Variants in TMEM243 observed in about 807,000 individuals in gnomAD.
TMEM243 encodes transmembrane protein 243.
Under a neutral mutation model 15.0 loss-of-function variants are expected in TMEM243, and 20 were observed. The observed-to-expected ratio is 1.33, with a 90% CI of 0.94 to 1.93. The LOEUF (loss-of-function observed/expected upper bound fraction) is 1.93, where lower values mean the gene tolerates loss of function less well. Among genes scored for constraint, TMEM243 ranks in the 30% most tolerant of loss-of-function variants. TMEM243 has a pLI of 0.00. For missense variants in TMEM243, 156 were observed against 142.1 expected, an observed-to-expected ratio of 1.10 and a Z score of -0.50; for synonymous variants, 72 against 52.7, an observed-to-expected ratio of 1.37 and a Z score of -1.59.
Position 87,196,451 on chromosome 7 carries a change from TAAAG to T in TMEM243, c.*181_*184del, listed in dbSNP as rs139450216. ...ATGTTTAGGTGCAACATCAGCTCCT[TAAAG>T]AAAAAGCAAAGTGATCTAGGATATG... On this transcript the variant is annotated 3_prime_UTR_variant, in exon 4 of 4. Coordinates refer to ENST00000257637, the MANE Select transcript of TMEM243 (RefSeq NM_024315.4). 9.9e-4 allele frequency: 544 copies of T among 550,874 alleles called. 1 individual carries two copies. The highest frequency in any genetic ancestry group is 9.9e-3 in the African/African-American group (492 of 49,940). 34.1% of individuals were successfully genotyped at this position (550,874 alleles called of 1,614,324 possible).
chr7:87,198,116 G>A (rs1801495991), intron 2 of TMEM243, 71 bp from the exon 3 acceptor site: 1 of 1,301,634 alleles, frequency 7.7e-7, no homozygotes, highest in Non-Finnish European at 1.1e-6. Flanking sequence ...CTGGAGTCTA[G>A]GCAACAGTAC....
rs564953471 is a variant in TMEM243, at chr7:87,209,529, TGAGA to T, written c.78+9893_78+9896del. On this transcript the variant is annotated intron_variant, in intron 1 of 3. Coordinates refer to ENST00000257637, the MANE Select transcript of TMEM243 (RefSeq NM_024315.4). ...GTGAGAAAGACAGTGAGAGAGAGAG[TGAGA>T]GAGAAAGTGAGAGACAATGAGAGAG... Among the ~76,000 whole-genome samples the T allele has an allele frequency of 3.2e-3, 146 of 45,528 alleles. 2 individuals are homozygous for T. The East Asian group carries it at 0.034, about 11-fold the overall frequency. The allele number at this position is 45,528 out of a possible 152,430, so 29.9% of individuals were successfully genotyped here.
intron 1 of TMEM243, among the ~76,000 whole-genome samples, chr7:87,201,112 T>C (rs924243709): frequency 2.6e-5 from 4 of 152,352 alleles, no homozygotes; most frequent in Non-Finnish European, 5.9e-5. Flanking sequence ...TGTTATAATG[T>C]AGTGGTCCCC....
At chr7:87,203,368 T>C (rs1801963402) in intron 1 of TMEM243, among the ~76,000 whole-genome samples, 1 of 152,148 alleles carries the variant, frequency 6.6e-6, no homozygotes. Context: ...ATCCCAGCAC[T>C]TTGGGAGGCC....
intron 1 of TMEM243, among the ~76,000 whole-genome samples, chr7:87,215,022 T>C (rs1057183759): frequency 2.6e-5 from 4 of 152,206 alleles, no homozygotes; most frequent in East Asian, 1.9e-4. Flanking sequence ...GCATTTCGGA[T>C]TTTGGATTTG....
At chr7:87,208,893 G>A (rs1229943180) in intron 1 of TMEM243, among the ~76,000 whole-genome samples, 1 of 152,262 alleles carries the variant, frequency 6.6e-6, no homozygotes, top group African/African-American at 2.4e-5. Context: ...CCACCGTATG[G>A]CTGGGTGATG....
chr7:87,200,452 C>G (rs200209763), intron 1 of TMEM243, among the ~76,000 whole-genome samples: 2 of 152,072 alleles, frequency 1.3e-5, no homozygotes, highest in East Asian at 3.9e-4. Context: ...CATGGGAGCC[C>G]CACTATTTTT....
intron 1 of TMEM243, among the ~76,000 whole-genome samples, chr7:87,204,683 C>T (rs1243687678): frequency 6.6e-6 from 1 of 152,206 alleles, no homozygotes; most frequent in East Asian, 1.9e-4. Context: ...GTGGCTCTGC[C>T]CCTGTGGCTT....
chr7:87,205,392 A>C (rs1164640178), intron 1 of TMEM243, among the ~76,000 whole-genome samples: 1 of 150,188 alleles, frequency 6.7e-6, no homozygotes, highest in Non-Finnish European at 1.5e-5. Flanking sequence ...TCTCCTTAGG[A>C]ATTTTTTTTG....
At chr7:87,206,630 AGT>A (rs1465107976) in intron 1 of TMEM243, among the ~76,000 whole-genome samples, 4 of 152,244 alleles carry the variant, frequency 2.6e-5, no homozygotes, top group Non-Finnish European at 5.9e-5. Flanking sequence ...AGCAGGACAG[AGT>A]GAGAGTTAAT....
chr7:87,196,965 T>C (rs956601502), intron 3 of TMEM243, among the ~76,000 whole-genome samples: 1 of 152,002 alleles, frequency 6.6e-6, no homozygotes, highest in Non-Finnish European at 1.5e-5. Flanking sequence ...ATTCCTACTT[T>C]CTCAGTTTAC....
intron 1 of TMEM243, among the ~76,000 whole-genome samples, chr7:87,208,349 G>A (rs1802374859): frequency 6.6e-6 from 1 of 152,118 alleles, no homozygotes. Context: ...CCAAAACAAA[G>A]GGGCTACAGG....
intron 1 of TMEM243, 25 bp downstream of exon 1, chr7:87,219,401 G>A (rs201692599): frequency 1.2e-6 from 2 of 1,611,710 alleles, no homozygotes; most frequent in African/African-American, 1.3e-5. Flanking sequence ...CCCCATCCCA[G>A]TCTGGAGTCA....
chr7:87,201,238 T>TA (rs1801784886), intron 1 of TMEM243, among the ~76,000 whole-genome samples: 1 of 152,226 alleles, frequency 6.6e-6, no homozygotes, highest in South Asian at 2.1e-4. Context: ...TATGCAGAGT[T>TA]AACTTCAGAA....
intron 1 of TMEM243, among the ~76,000 whole-genome samples, chr7:87,209,347 TGA>T (rs773555303): frequency 4.6e-4 from 66 of 143,112 alleles, no homozygotes; most frequent in African/African-American, 4.7e-4. Context: ...GAGAAGAGGT[TGA>T]GAGGGGGGAA....
intron 3 of TMEM243, 80 bp downstream of exon 3, chr7:87,197,861 A>C (rs767609810): frequency 3.1e-6 from 5 of 1,603,370 alleles, no homozygotes; most frequent in African/African-American, 1.3e-5. Flanking sequence ...TTTTGTATAG[A>C]CCCAAGGCTG....
chr7:87,209,279 C>G (rs995332787), intron 1 of TMEM243, among the ~76,000 whole-genome samples: 1 of 146,292 alleles, frequency 6.8e-6, no homozygotes, highest in Non-Finnish European at 1.5e-5. Context: ...GGGAAGCAAG[C>G]TACATATTAC....
At chr7:87,198,962 A>G in intron 2 of TMEM243, 45 bp downstream of exon 2, 2 of 1,504,282 alleles carry the variant, frequency 1.3e-6, no homozygotes, top group South Asian at 1.3e-5. Context: ...AAAGTTTTCA[A>G]AACTGGCTAA....
upstream of TMEM243, among the ~76,000 whole-genome samples, chr7:87,219,911 G>A (rs1172283791): frequency 1.3e-5 from 2 of 152,222 alleles, no homozygotes; most frequent in South Asian, 2.1e-4. Context: ...CCCTCGCCCC[G>A]GGAGAGACTC....
Sources: allele counts gnomAD v4.1 joint callset (sites outside exome capture counted in the v4.1 genomes callset), GRCh38; gene constraint gnomAD v4.1.1; transcripts MANE v1.5; gene names NCBI Gene and HGNC (gene_info 2026-07-23, HGNC 2026-07-21).